Variants in KHDRBS3 observed in about 807,000 individuals in gnomAD.
KHDRBS3 encodes the protein KH RNA binding domain containing, signal transduction associated 3.
KHDRBS3 carries 23 observed loss-of-function variants against 45.6 expected under a neutral mutation model. The observed-to-expected ratio is 0.50, with a 90% CI of 0.36 to 0.72. The LOEUF (loss-of-function observed/expected upper bound fraction) is 0.72, where lower values mean the gene tolerates loss of function less well. Ranked by LOEUF, KHDRBS3 falls within the 30% of genes least tolerant of loss-of-function variation. The pLI, the probability that KHDRBS3 is intolerant of heterozygous loss-of-function variation, is 0.00. For missense variants in KHDRBS3, 352 were observed against 424.8 expected, an observed-to-expected ratio of 0.83 and a Z score of 1.51; for synonymous variants, 162 against 156.5, an observed-to-expected ratio of 1.04 and a Z score of -0.26.
intron 1 of KHDRBS3, among the ~76,000 whole-genome samples, chr8:135,494,508 G>A (rs1443576196): frequency 6.6e-6 from 1 of 152,022 alleles, no homozygotes; most frequent in African/African-American, 2.4e-5. Context: ...TAGATCTCCT[G>A]ACCTCGTGAT....
chr8:135,526,164 T>C (rs187922726), intron 2 of KHDRBS3, among the ~76,000 whole-genome samples: 1 of 152,230 alleles, frequency 6.6e-6, no homozygotes, highest in Admixed American at 6.5e-5. Flanking sequence ...TCTTTGATGT[T>C]TGCACAATGA....
rs535785629 is a variant in KHDRBS3, at chr8:135,490,963, C to G, written c.89-30274C>G. 6.1e-4 allele frequency among the ~76,000 whole-genome samples: 93 copies of G among 152,304 alleles called. 1 individual carries two copies. The highest frequency in any genetic ancestry group is 2.1e-3 in the African/African-American group (86 of 41,584). ...TTTATGTTGGCATTATTAAACATTA[C>G]TTGTCAGAGATATGGGTGTTTCTTT... On this transcript the variant is annotated intron_variant, in intron 1 of 8. Transcript: ENST00000355849.
At chr8:135,567,303 G>C (rs531860774) in intron 5 of KHDRBS3, among the ~76,000 whole-genome samples, 1 of 152,028 alleles carries the variant, frequency 6.6e-6, no homozygotes, top group African/African-American at 2.4e-5. Flanking sequence ...AAACACGTCA[G>C]TTCACACTTG....
At chr8:135,543,943 G>C (rs1826166089) in intron 3 of KHDRBS3, among the ~76,000 whole-genome samples, 1 of 152,164 alleles carries the variant, frequency 6.6e-6, no homozygotes, top group African/African-American at 2.4e-5. Context: ...GTAGGTGTTT[G>C]AAATGATTCC....
chr8:135,537,060 C>A (rs1029490032), intron 2 of KHDRBS3, among the ~76,000 whole-genome samples: 1 of 145,762 alleles, frequency 6.9e-6, no homozygotes, highest in Admixed American at 6.8e-5. Context: ...ATGTATTAAA[C>A]GCCCTCTCTA....
rs148058025 is a variant in KHDRBS3, at chr8:135,609,574, T to C, written c.890+2537T>C. Among the ~76,000 whole-genome samples the C allele has an allele frequency of 1.7e-4, 26 of 148,992 alleles. No individual in the cohort carries two copies. In the East Asian group the frequency reaches 5.0e-3, roughly 29 times the overall value. On this transcript the variant is annotated intron_variant, in intron 7 of 8. Coordinates refer to ENST00000355849, the MANE Select transcript of KHDRBS3 (RefSeq NM_006558.3). ...CCTCCAAAAGAGCTGGGATTACAGG[T>C]GTGAGCCACCACACCGGGCCTACCT... is the stretch of plus-strand genomic sequence containing the variant.
intron 6 of KHDRBS3, among the ~76,000 whole-genome samples, chr8:135,592,762 G>GT (rs11381624): frequency 0.97 from 148,008 of 152,268 alleles, 72,066 homozygotes; most frequent in East Asian, 1. Flanking sequence ...TCGAACTCTG[G>GT]TTATATAGCA....
intron 6 of KHDRBS3, among the ~76,000 whole-genome samples, chr8:135,604,050 A>C (rs1387325380): frequency 6.6e-6 from 1 of 151,710 alleles, no homozygotes; most frequent in Non-Finnish European, 1.5e-5. Context: ...TTCTCCCTTT[A>C]ATTCTGGTAG....
chr8:135,581,796 G>C, intron 5 of KHDRBS3, 82 bp from the exon 6 acceptor site: 2 of 1,069,932 alleles, frequency 1.9e-6, no homozygotes, highest in Non-Finnish European at 2.6e-6. Context: ...CATTGATTTT[G>C]TTTCTGAGGT....
chr8:135,622,934 G>A (rs993051351), intron 7 of KHDRBS3, among the ~76,000 whole-genome samples: 14 of 152,282 alleles, frequency 9.2e-5, no homozygotes, highest in South Asian at 2.1e-4. Context: ...TTTCATTTGC[G>A]GCAGCCTTCC....
intron 5 of KHDRBS3, among the ~76,000 whole-genome samples, chr8:135,576,809 G>T (rs561743944): frequency 4.4e-4 from 67 of 152,258 alleles, no homozygotes; most frequent in Admixed American, 1.5e-3. Context: ...ACATATATGT[G>T]TATGTACTAA....
intron 2 of KHDRBS3, among the ~76,000 whole-genome samples, chr8:135,525,326 T>C (rs1423059189): frequency 6.6e-6 from 1 of 152,160 alleles, no homozygotes; most frequent in African/African-American, 2.4e-5. Context: ...TTTCAGAAGA[T>C]TTTATACATA....
At chr8:135,559,306 G>A (rs574973700) in intron 5 of KHDRBS3, among the ~76,000 whole-genome samples, 1 of 152,198 alleles carries the variant, frequency 6.6e-6, no homozygotes, top group Admixed American at 6.5e-5. Context: ...ATAGGAGCTT[G>A]TACATTTACA....
At chr8:135,583,185 G>A (rs1033486760) in intron 6 of KHDRBS3, among the ~76,000 whole-genome samples, 3 of 152,184 alleles carry the variant, frequency 2.0e-5, no homozygotes, top group African/African-American at 7.2e-5. Flanking sequence ...CACCTAGCTT[G>A]TGAACCTCTG....
At chr8:135,631,221 AG>A (rs1420920829) in intron 7 of KHDRBS3, among the ~76,000 whole-genome samples, 1 of 134,012 alleles carries the variant, frequency 7.5e-6, no homozygotes, top group African/African-American at 2.7e-5. Flanking sequence ...ACTGCACTCC[AG>A]CCTGGGCAAC....
chr8:135,620,206 G>A (rs1349552929), intron 7 of KHDRBS3, among the ~76,000 whole-genome samples: 1 of 151,970 alleles, frequency 6.6e-6, no homozygotes, highest in Non-Finnish European at 1.5e-5. Flanking sequence ...CTGAGTAGCT[G>A]GGACCACAGG....
At chr8:135,469,773 C>T (rs189522068) in intron 1 of KHDRBS3, among the ~76,000 whole-genome samples, 11 of 152,252 alleles carry the variant, frequency 7.2e-5, no homozygotes, top group South Asian at 2.1e-4. Context: ...GTGATCCACC[C>T]GCCTTGGCCT....
intron 6 of KHDRBS3, among the ~76,000 whole-genome samples, chr8:135,601,920 C>T (rs1264507580): frequency 2.0e-5 from 3 of 152,062 alleles, no homozygotes; most frequent in Non-Finnish European, 2.9e-5. Context: ...AAAAAACGAG[C>T]AACCAGTGAT....
chr8:135,512,447 T>G (rs1824348043), intron 1 of KHDRBS3, among the ~76,000 whole-genome samples: 1 of 125,424 alleles, frequency 8.0e-6, no homozygotes, highest in African/African-American at 3.2e-5. Context: ...GGGTAATAAC[T>G]CTATTGATCT....
Sources: allele counts gnomAD v4.1 joint callset (sites outside exome capture counted in the v4.1 genomes callset), GRCh38; gene constraint gnomAD v4.1.1; transcripts MANE v1.5; gene names NCBI Gene and HGNC (gene_info 2026-07-23, HGNC 2026-07-21).